Variants in GLIS1 observed in about 807,000 individuals in gnomAD.
The protein encoded by GLIS1 is GLIS family zinc finger 1, also known as zinc finger protein GLIS1.
In GLIS1, 24 loss-of-function variants were observed where a neutral mutation model predicts 63.8. That is an observed-to-expected ratio of 0.38 (90% CI 0.27 to 0.53). The LOEUF is 0.53. Ranked by LOEUF, GLIS1 falls within the 20% of genes least tolerant of loss-of-function variation. The pLI is 0.85. For synonymous variants in GLIS1, 450 were observed against 482.5 expected (o/e 0.93, Z 0.88); for missense variants, 1,036 against 1,074.1 (o/e 0.96, Z 0.50).
At chr1:53,688,391 G>A (rs889362521) in intron 2 of GLIS1, among the ~76,000 whole-genome samples, 72 of 152,284 alleles carry the variant, frequency 4.7e-4, no homozygotes, top group Non-Finnish European at 9.9e-4. Context: ...CCCTCGTGCA[G>A]CTGTGCAGTC....
chr1:53,525,464 G>GCTGGGGC (rs1644457242), intron 5 of GLIS1, among the ~76,000 whole-genome samples: 1 of 138 alleles, frequency 7.2e-3, no homozygotes, highest in Admixed American at 0.1. Context: ...GGGCTGGGGA[G>GCTGGGGC]GCTGGGGAGG....
At chr1:53,675,483 G>C (rs1278468779) in intron 2 of GLIS1, among the ~76,000 whole-genome samples, 3 of 152,124 alleles carry the variant, frequency 2.0e-5, no homozygotes, top group Non-Finnish European at 4.4e-5. Context: ...CCAACTTTGG[G>C]CAAGTCATGG....
At chr1:53,731,813 C>T (rs771127061) in intron 2 of GLIS1, among the ~76,000 whole-genome samples, 2 of 152,218 alleles carry the variant, frequency 1.3e-5, no homozygotes, top group Non-Finnish European at 2.9e-5. Flanking sequence ...GTCAAGAGTT[C>T]CAGTGTATAA....
At chr1:53,637,345 G>A (rs1645736915) in intron 2 of GLIS1, among the ~76,000 whole-genome samples, 1 of 152,182 alleles carries the variant, frequency 6.6e-6, no homozygotes, top group African/African-American at 2.4e-5. Flanking sequence ...GGGTGATGAC[G>A]GGAGGATACC....
At chr1:53,730,443 G>A (rs1471649857) in intron 2 of GLIS1, among the ~76,000 whole-genome samples, 3 of 152,136 alleles carry the variant, frequency 2.0e-5, no homozygotes, top group Admixed American at 1.3e-4. Flanking sequence ...CCAGTCCTCC[G>A]GAGAGCTTAA....
At chr1:53,531,325 G>A (rs1363579922) in intron 4 of GLIS1, among the ~76,000 whole-genome samples, 2 of 152,220 alleles carry the variant, frequency 1.3e-5, no homozygotes, top group Admixed American at 1.3e-4. Context: ...GCAGCAGGTG[G>A]CCAAGGATGA....
At chr1:53,575,182 T>C (rs1416798196) in intron 4 of GLIS1, among the ~76,000 whole-genome samples, 6 of 152,224 alleles carry the variant, frequency 3.9e-5, no homozygotes, top group East Asian at 1.9e-4. Flanking sequence ...GGAGCACAGA[T>C]TGCAATTAAC....
chr1:53,614,798 A>ACT (rs1468124098), intron 2 of GLIS1, among the ~76,000 whole-genome samples: 4 of 151,618 alleles, frequency 2.6e-5, no homozygotes, highest in East Asian at 1.9e-4. Context: ...ACACGCACAC[A>ACT]CACGCACACA....
intron 2 of GLIS1, among the ~76,000 whole-genome samples, chr1:53,700,166 T>G (rs947841425): frequency 8.5e-5 from 13 of 152,146 alleles, no homozygotes; most frequent in Non-Finnish European, 1.9e-4. Context: ...ACATCTACAG[T>G]GCGCAAGGCC....
chr1:53,599,251 C>CT (rs1415861712), intron 3 of GLIS1, among the ~76,000 whole-genome samples: 1 of 152,190 alleles, frequency 6.6e-6, no homozygotes, highest in Non-Finnish European at 1.5e-5. Context: ...GAGGTGGGGC[C>CT]TTTAAAAGGT....
chr1:53,681,906 C>G (rs1263666699), intron 2 of GLIS1, among the ~76,000 whole-genome samples: 2 of 150,648 alleles, frequency 1.3e-5, no homozygotes, highest in Non-Finnish European at 2.9e-5. Context: ...CGTTCCTGCT[C>G]TCGGGGGCCT....
intron 2 of GLIS1, among the ~76,000 whole-genome samples, chr1:53,604,008 T>A (rs2100556669): frequency 6.6e-6 from 1 of 152,342 alleles, no homozygotes; most frequent in South Asian, 2.1e-4. Context: ...TTCATTTGGT[T>A]TTCTCATCAA....
At chr1:53,693,017 G>A (rs11206192) in intron 2 of GLIS1, among the ~76,000 whole-genome samples, 38,229 of 152,110 alleles carry the variant, frequency 0.25, 5,147 homozygotes, top group African/African-American at 0.35. Context: ...TCTGAAGGAA[G>A]GTATGTCCCT....
intron 2 of GLIS1, among the ~76,000 whole-genome samples, chr1:53,691,072 G>A (rs1646399211): frequency 6.6e-6 from 1 of 152,128 alleles, no homozygotes; most frequent in African/African-American, 2.4e-5. Context: ...AAGGAAGGGA[G>A]AGACCAGGCG....
intron 1 of GLIS1, among the ~76,000 whole-genome samples, 122 bp downstream of exon 1, chr1:53,738,983 C>T (rs1395583406): frequency 1.3e-5 from 2 of 152,276 alleles, no homozygotes; most frequent in Non-Finnish European, 2.9e-5. Flanking sequence ...ACTCTCCGTT[C>T]CCCTCCGCGC....
intron 2 of GLIS1, among the ~76,000 whole-genome samples, chr1:53,627,944 G>C (rs1239434200): frequency 6.6e-6 from 1 of 152,212 alleles, no homozygotes; most frequent in Non-Finnish European, 1.5e-5. Flanking sequence ...TATGTGGCCT[G>C]TGTCTCTTGA....
At chr1:53,694,069 C>T (rs560903795) in intron 2 of GLIS1, among the ~76,000 whole-genome samples, 30 of 152,322 alleles carry the variant, frequency 2.0e-4, no homozygotes, top group Non-Finnish European at 3.7e-4. Flanking sequence ...AGGCAACAGG[C>T]GGCCACCACA....
At chr1:53,615,996 C>T (rs947523490) in intron 2 of GLIS1, among the ~76,000 whole-genome samples, 1 of 152,188 alleles carries the variant, frequency 6.6e-6, no homozygotes, top group Non-Finnish European at 1.5e-5. Flanking sequence ...AATCCACCCA[C>T]CTCGGCCTGC....
intron 4 of GLIS1, among the ~76,000 whole-genome samples, chr1:53,573,148 TAC>T (rs1644999384): frequency 6.6e-6 from 1 of 152,168 alleles, no homozygotes; most frequent in Non-Finnish European, 1.5e-5. Context: ...TGGTATGGAA[TAC>T]AGAGCTTCAG....
Sources: gnomAD v4.1 joint callset for allele counts (sites outside exome capture counted in the v4.1 genomes callset) on GRCh38, gnomAD v4.1.1 for gene constraint, MANE v1.5 for transcripts, NCBI Gene and HGNC (gene_info 2026-07-23, HGNC 2026-07-21) for gene names.